Variants in TRIM44 observed in about 807,000 individuals in gnomAD.
TRIM44 encodes the protein tripartite motif containing 44.
Under a neutral mutation model 37.4 loss-of-function variants are expected in TRIM44, and 13 were observed. The observed-to-expected ratio is 0.35, with a 90% CI of 0.23 to 0.55. The LOEUF (loss-of-function observed/expected upper bound fraction) is 0.55. Among genes scored for constraint, TRIM44 ranks in the 20% least tolerant of loss-of-function variants. The pLI is 0.89. For synonymous variants in TRIM44, 175 were observed against 157.2 expected (o/e 1.11, Z -0.85); for missense variants, 426 against 437.2 (o/e 0.97, Z 0.23).
intron 4 of TRIM44, among the ~76,000 whole-genome samples, chr11:35,785,201 C>T (rs1853115769): frequency 6.6e-6 from 1 of 152,162 alleles, no homozygotes; most frequent in South Asian, 2.1e-4. Flanking sequence ...TCCATTTTTG[C>T]AGATTCAAAT....
At position 35,810,161 on chromosome 11, in the gene TRIM44, C is replaced by T. The variant is rs1278636755; in HGVS notation, c.*3776C>T. On this transcript the variant is annotated 3_prime_UTR_variant, in exon 5 of 5. Transcript: ENST00000299413. ...TTGGATGCCCAGCCATTTTGGTGAC[C>T]TGAGAGTCTAACTACTCCAGTTAGA... 1.3e-5 allele frequency: 2 copies of T among 152,124 alleles called. No homozygotes were observed. The highest frequency in any genetic ancestry group is 4.8e-5 in the African/African-American group (2 of 41,432). The allele number at this position is 152,124 out of a possible 1,614,324, so 9.4% of individuals were successfully genotyped here. A position where few individuals can be genotyped will look rare whatever the true frequency, so the allele number is the denominator to read the frequency against.
chr11:35,708,293 C>T (rs1460538438), intron 2 of TRIM44, among the ~76,000 whole-genome samples: 2 of 152,168 alleles, frequency 1.3e-5, no homozygotes, highest in Non-Finnish European at 2.9e-5. Flanking sequence ...AATAGGAACA[C>T]TTTTACAGTG....
At chr11:35,793,925 A>G (rs931447361) in intron 4 of TRIM44, among the ~76,000 whole-genome samples, 1 of 152,192 alleles carries the variant, frequency 6.6e-6, no homozygotes, top group Non-Finnish European at 1.5e-5. Context: ...AAAGATTTGG[A>G]TGAAGTGATT....
intron 4 of TRIM44, among the ~76,000 whole-genome samples, chr11:35,773,807 T>C (rs891727570): frequency 1.3e-5 from 2 of 152,248 alleles, no homozygotes; most frequent in Non-Finnish European, 2.9e-5. Flanking sequence ...GAACTCATCC[T>C]TTTTTATGGC....
At chr11:35,775,723 A>G (rs973489611) in intron 4 of TRIM44, among the ~76,000 whole-genome samples, 6 of 152,170 alleles carry the variant, frequency 3.9e-5, no homozygotes, top group African/African-American at 1.4e-4. Context: ...ATCTATTGAG[A>G]TAATCATTTG....
chr11:35,733,624 A>G (rs1167743267), intron 3 of TRIM44, among the ~76,000 whole-genome samples: 1 of 152,104 alleles, frequency 6.6e-6, no homozygotes, highest in African/African-American at 2.4e-5. Context: ...CAGATCTTTA[A>G]CAGTCTGCCA....
intron 4 of TRIM44, among the ~76,000 whole-genome samples, chr11:35,799,395 G>T (rs537335856): frequency 6.6e-6 from 1 of 152,210 alleles, no homozygotes; most frequent in Non-Finnish European, 1.5e-5. Flanking sequence ...GACAGAGTCA[G>T]CTGTGAGGGC....
intron 2 of TRIM44, among the ~76,000 whole-genome samples, chr11:35,702,673 G>C (rs988847441): frequency 6.6e-6 from 1 of 152,210 alleles, no homozygotes; most frequent in Admixed American, 6.5e-5. Context: ...GTTTGTGCGT[G>C]TGTGTATTTC....
At chr11:35,683,751 TGTA>T (rs1373420582) in intron 1 of TRIM44, among the ~76,000 whole-genome samples, 1 of 152,052 alleles carries the variant, frequency 6.6e-6, no homozygotes, top group East Asian at 1.9e-4. Context: ...TATAATATAA[TGTA>T]TTATTATTAT....
chr11:35,753,593 A>T (rs1852585556), intron 4 of TRIM44, among the ~76,000 whole-genome samples: 1 of 152,190 alleles, frequency 6.6e-6, no homozygotes, highest in Admixed American at 6.5e-5. Flanking sequence ...ACAGGCAAGT[A>T]TTCTCTTGCT....
At chr11:35,738,615 C>T (rs888014663) in intron 4 of TRIM44, among the ~76,000 whole-genome samples, 3 of 152,148 alleles carry the variant, frequency 2.0e-5, no homozygotes. Flanking sequence ...TCTGATTAAC[C>T]CTTCAAGGCA....
At chr11:35,762,238 TTC>T (rs1166496928) in intron 4 of TRIM44, among the ~76,000 whole-genome samples, 1 of 152,236 alleles carries the variant, frequency 6.6e-6, no homozygotes, top group East Asian at 1.9e-4. Flanking sequence ...GAGGGCTATT[TTC>T]TCTTTCTTTT....
chr11:35,775,790 T>G (rs1012935154), intron 4 of TRIM44, among the ~76,000 whole-genome samples: 2 of 152,248 alleles, frequency 1.3e-5, no homozygotes, highest in South Asian at 2.1e-4. Context: ...TTGCGTATGT[T>G]GAACCAGCCT....
At chr11:35,700,470 A>G (rs58186261) in intron 2 of TRIM44, among the ~76,000 whole-genome samples, 123 of 152,232 alleles carry the variant, frequency 8.1e-4, no homozygotes, top group African/African-American at 2.9e-3. Context: ...CTCCTCACAC[A>G]CCTTGCTTGT....
intron 4 of TRIM44, among the ~76,000 whole-genome samples, chr11:35,802,351 G>A (rs1475889542): frequency 2.0e-5 from 3 of 152,110 alleles, no homozygotes; most frequent in Non-Finnish European, 4.4e-5. Flanking sequence ...ACTCCTCTAA[G>A]GGAGACATTC....
At chr11:35,782,181 A>G in intron 4 of TRIM44, among the ~76,000 whole-genome samples, 1 of 152,204 alleles carries the variant, frequency 6.6e-6, no homozygotes, top group Non-Finnish European at 1.5e-5. Flanking sequence ...TACTTTGTGA[A>G]GTCCAGCGGG....
Position 35,663,354 on chromosome 11 carries a change from G to C in TRIM44, c.243G>C (p.Ala81=), listed in dbSNP as rs1183606422. 6.2e-7 allele frequency: 1 copy of C among 1,613,622 alleles called. No individual in the cohort carries two copies. Among genetic ancestry groups the C allele is most frequent in the Non-Finnish European group, 8.5e-7 (1 of 1,179,884 alleles). Residue 81 remains alanine (A), a synonymous_variant, in exon 1 of 5, where the codon GCG becomes GCC. Transcript: ENST00000299413. ...GAGAGGGGGCGGGGAAGGAAGAAGC[G>C]GAGGTCAAGGTGGAGCAGGAGAGGG... ...ADGEGAGKEE[A]EVKVEQEREI...
chr11:35,663,169 G>C lies in TRIM44; in HGVS notation c.58G>C (p.Glu20Gln). The change falls in exon 1 of 5, where the codon GAG (glutamate) becomes CAG (glutamine). Residue 20 changes from glutamate (E) to glutamine (Q), a missense_variant. Around this residue, in one of 2 missense-constraint regions of TRIM44, gnomAD observed 331 missense variants for 303.0 expected, o/e 1.09. Transcript: ENST00000299413. ...EELPHDGTCD[E>Q]CEPDEAPGAE... ...ACTGCCTCACGACGGCACGTGTGAC[G>C]AGTGCGAGCCCGACGAGGCTCCGGG... 1 of 1,565,944 alleles carries C rather than the reference G, an allele frequency of 6.4e-7. No homozygotes were observed. The highest frequency in any genetic ancestry group is 8.6e-7 in the Non-Finnish European group (1 of 1,156,138).
intron 1 of TRIM44, among the ~76,000 whole-genome samples, chr11:35,680,383 G>A (rs1026819220): frequency 2.0e-5 from 3 of 151,874 alleles, no homozygotes; most frequent in Admixed American, 2.0e-4. Flanking sequence ...ACATACCTAT[G>A]TCACTCATAG....
Sources: gnomAD v4.1 joint callset for allele counts (sites outside exome capture counted in the v4.1 genomes callset) on GRCh38, gnomAD v4.1.1 for gene constraint, gnomAD v4.1.1 regional missense constraint, MANE v1.5 for transcripts, NCBI Gene and HGNC (gene_info 2026-07-23, HGNC 2026-07-21) for gene names.